ETV1: variants seen among roughly 807,000 people sequenced by gnomAD.
ETV1 encodes the protein ETS variant transcription factor 1.
A neutral mutation model predicts 62.3 loss-of-function variants in ETV1; 27 were observed. That is an observed-to-expected ratio of 0.43 (90% CI 0.32 to 0.60). The LOEUF (loss-of-function observed/expected upper bound fraction) is 0.60, where lower values mean the gene tolerates loss of function less well. ETV1 is among the 20% of genes least tolerant of loss of function. The pLI is 0.06. For missense variants in ETV1, 605 were observed against 605.8 expected (o/e 1.00, Z 0.01); for synonymous variants, 222 against 199.6 (o/e 1.11, Z -0.94).
intron 10 of ETV1, 142 bp downstream of exon 10, chr7:13,911,097 G>T: frequency 1.7e-6 from 1 of 588,440 alleles, no homozygotes. Flanking sequence ...TTTTTACTTT[G>T]GAGATAGTCT....
chr7:13,960,642 T>A (rs1213761122), intron 6 of ETV1, among the ~76,000 whole-genome samples: 1 of 152,244 alleles, frequency 6.6e-6, no homozygotes, highest in East Asian at 1.9e-4. Context: ...GATTTAAACC[T>A]ACTCCAAAGC....
intron 13 of ETV1, among the ~76,000 whole-genome samples, chr7:13,896,413 T>A (rs752839427): frequency 6.6e-6 from 1 of 152,178 alleles, no homozygotes; most frequent in Non-Finnish European, 1.5e-5. Flanking sequence ...GTCAATTATT[T>A]AATGCAGGCA....
rs184819055 is a variant in ETV1 at position 13,909,487 on chromosome 7, A to G, written c.940+145T>C. ...GGGCAAGGAAGAGATAAATTGTAAT[A>G]GGTCAACGTTGGCTAAAATTAAGTG... On this transcript the variant is annotated intron_variant, in intron 11 of 13. Coordinates refer to ENST00000430479, the MANE Select transcript of ETV1 (RefSeq NM_004956.5). The G allele has an allele frequency of 2.1e-3, 1,382 of 650,462 alleles. 5 individuals carry two copies. Among genetic ancestry groups the G allele is most frequent in the Middle Eastern group, 3.3e-3 (13 of 3,932 alleles). 40.3% of individuals were successfully genotyped at this position (650,462 alleles called of 1,614,324 possible).
chr7:13,928,436 G>A (rs1441868431), intron 9 of ETV1, among the ~76,000 whole-genome samples: 1 of 152,020 alleles, frequency 6.6e-6, no homozygotes, highest in Non-Finnish European at 1.5e-5. Flanking sequence ...CCAACATGGA[G>A]AAATCCTGTC....
chr7:13,903,269 A>C (rs982209110), intron 12 of ETV1, among the ~76,000 whole-genome samples: 2 of 152,218 alleles, frequency 1.3e-5, no homozygotes, highest in Non-Finnish European at 2.9e-5. Context: ...TTATTGTCAA[A>C]TAAATTAAAT....
At chr7:13,924,796 C>T (rs1212738692) in intron 9 of ETV1, among the ~76,000 whole-genome samples, 1 of 152,286 alleles carries the variant, frequency 6.6e-6, no homozygotes. Flanking sequence ...AGATATTTAT[C>T]TGTAAAATTT....
intron 4 of ETV1, 134 bp downstream of exon 4, chr7:13,987,952 A>T (rs1782698630): frequency 1.6e-6 from 1 of 610,700 alleles, no homozygotes; most frequent in Non-Finnish European, 2.9e-6. Flanking sequence ...AATCGTTCCA[A>T]GTTAAAGTCT....
intron 9 of ETV1, among the ~76,000 whole-genome samples, chr7:13,917,104 C>A (rs1362920190): frequency 6.6e-6 from 1 of 151,916 alleles, no homozygotes; most frequent in African/African-American, 2.4e-5. Context: ...CTCTTGTAAG[C>A]ACCTGGGGTT....
intron 6 of ETV1, among the ~76,000 whole-genome samples, chr7:13,942,105 G>A (rs1437175167): frequency 1.4e-5 from 2 of 143,724 alleles, no homozygotes; most frequent in Non-Finnish European, 3.0e-5. Flanking sequence ...CTCACTGCAA[G>A]CTCCACCTCC....
At position 13,982,912 on chromosome 7, in the gene ETV1, A is replaced by T. The variant is rs569152228; in HGVS notation, c.181+3726T>A. 3.7e-4 allele frequency among the ~76,000 whole-genome samples: 57 copies of T among 152,174 alleles called. No homozygotes were observed. The South Asian group carries it at 0.012, about 31-fold the overall frequency. The stretch of plus-strand genomic sequence containing the variant: ...TACACATAGTAAGTAACAATAGCAC[A>T]TATTACTTATGATTTTGAATATAAA... On this transcript the variant is annotated intron_variant, in intron 5 of 13. Transcript: ENST00000430479.
At chr7:13,896,694 G>GAGAGAGAAAGAAAGAA (rs1318923422) in intron 13 of ETV1, among the ~76,000 whole-genome samples, 10 of 50,910 alleles carry the variant, frequency 2.0e-4, no homozygotes, top group African/African-American at 8.6e-4. Context: ...AAAGAAAAGA[G>GAGAGAGAAAGAAAGAA]AGAGAGAAAG....
chr7:13,940,205 T>C (rs967402227), intron 6 of ETV1, among the ~76,000 whole-genome samples: 5 of 151,666 alleles, frequency 3.3e-5, no homozygotes, highest in African/African-American at 1.2e-4. Context: ...TCAACAAAAA[T>C]ACAAAAATTA....
At chr7:13,901,346 ACAC>A (rs2128407282) in intron 12 of ETV1, among the ~76,000 whole-genome samples, 1 of 152,250 alleles carries the variant, frequency 6.6e-6, no homozygotes, top group East Asian at 1.9e-4. Context: ...TCCTTCTAAA[ACAC>A]CACAATAGAA....
At chr7:13,900,949 G>A (rs979921851) in intron 12 of ETV1, 110 bp from the exon 13 acceptor site, 9 of 655,006 alleles carry the variant, frequency 1.4e-5, no homozygotes, top group African/African-American at 3.8e-5. Flanking sequence ...CCAACTCAAG[G>A]ATATAAGTAA....
At chr7:13,930,544 AT>A (rs928046629) in intron 9 of ETV1, among the ~76,000 whole-genome samples, 10 of 151,876 alleles carry the variant, frequency 6.6e-5, no homozygotes, top group Admixed American at 6.6e-4. Flanking sequence ...GATGGTCTCA[AT>A]CTCCTGACCT....
chr7:13,987,422 T>G (rs1048456044), intron 4 of ETV1, among the ~76,000 whole-genome samples: 6 of 152,148 alleles, frequency 3.9e-5, no homozygotes, highest in African/African-American at 1.4e-4. Context: ...GTATATTAAG[T>G]TTATTATGAA....
intron 9 of ETV1, among the ~76,000 whole-genome samples, chr7:13,917,723 G>C (rs1784341873): frequency 6.6e-6 from 1 of 151,974 alleles, no homozygotes; most frequent in African/African-American, 2.4e-5. Flanking sequence ...CCAGAACTTT[G>C]GGAGGCCAAG....
intron 3 of ETV1, chr7:13,988,542 CCTCCT>C: frequency 2.4e-6 from 2 of 829,688 alleles, no homozygotes; most frequent in Non-Finnish European, 3.6e-6. Flanking sequence ...TTGGACAGCC[CCTCCT>C]CCCCACCCCA....
intron 6 of ETV1, among the ~76,000 whole-genome samples, chr7:13,964,393 A>T (rs1790536799): frequency 6.6e-6 from 1 of 152,180 alleles, no homozygotes; most frequent in Non-Finnish European, 1.5e-5. Context: ...AAAACATCTT[A>T]TGGTTTAGGA....
Sources: gnomAD v4.1 joint callset for allele counts (sites outside exome capture counted in the v4.1 genomes callset) on GRCh38, gnomAD v4.1.1 for gene constraint, MANE v1.5 for transcripts, NCBI Gene and HGNC (gene_info 2026-07-23, HGNC 2026-07-21) for gene names.